Variants in RTL10 observed in about 807,000 individuals in gnomAD.
The protein encoded by RTL10 is protein Bop.
For synonymous variants in RTL10, 199 were observed against 188.4 expected (o/e 1.06, Z -0.46); for missense variants, 477 against 470.7 (o/e 1.01, Z -0.12).
At position 19,847,042 on chromosome 22, in the gene RTL10, T is replaced by G; in HGVS notation, c.*4125A>C. Reference sequence around the variant, plus strand: ...CTGAGCACCCCAGCCCATAGGATGATCAGCTGCTGCCGTCCTATGGAACTC... The same window carrying G: ...CTGAGCACCCCAGCCCATAGGATGAGCAGCTGCTGCCGTCCTATGGAACTC... On this transcript the variant is annotated 3_prime_UTR_variant, in exon 3 of 3. Coordinates refer to ENST00000328554, the MANE Select transcript of RTL10 (RefSeq NM_024627.6). The G allele has an allele frequency of 7.1e-6, 7 of 985,446 alleles. No homozygotes were observed. Among genetic ancestry groups the G allele is most frequent in the Non-Finnish European group, 8.4e-6 (7 of 829,934 alleles). The allele number at this position is 985,446 out of a possible 1,614,324, so 61.0% of individuals were successfully genotyped here. A position where few individuals can be genotyped will look rare whatever the true frequency, so the allele number is the denominator to read the frequency against.
At position 19,849,572 on chromosome 22, in the gene RTL10, G is replaced by C; in HGVS notation, c.*1595C>G. ...TAGGAGAGATGGATTTCTCCATGCT[G>C]GTCAGGCTGGTCTTGAACTCCTGAC... On this transcript the variant is annotated 3_prime_UTR_variant, in exon 3 of 3. Coordinates refer to ENST00000328554, the MANE Select transcript of RTL10 (RefSeq NM_024627.6). The C allele has an allele frequency of 2.2e-6, 1 of 464,520 alleles. No individual in the cohort carries two copies. The highest frequency in any genetic ancestry group is 2.8e-6 in the Non-Finnish European group (1 of 354,314). 28.8% of individuals were successfully genotyped at this position (464,520 alleles called of 1,614,324 possible).
chr22:19,851,336 G>A lies in RTL10; in HGVS notation c.926C>T (p.Pro309Leu), dbSNP rs776672508. The change falls in exon 3 of 3, where the codon CCT becomes CTT. Residue 309 changes from proline to leucine, a missense_variant. Transcript: ENST00000328554. ...PVPRLSESAN[P>L]PAQRPDPAHP... is the part of the protein sequence containing the mutation. ...AGCTGGGTCTGGTCTCTGGGCAGGA[G>A]GATTAGCTGACTCCGACAGTCTAGG... is the stretch of plus-strand genomic sequence containing the variant. 1 of 1,614,154 alleles carries A rather than the reference G, an allele frequency of 6.2e-7. No homozygotes were observed. Among genetic ancestry groups the A allele is most frequent in the South Asian group, 1.1e-5 (1 of 91,078 alleles).
chr22:19,849,437 C>T lies in RTL10; in HGVS notation c.*1730G>A, dbSNP rs537880895. On this transcript the variant is annotated 3_prime_UTR_variant, in exon 3 of 3. Transcript: ENST00000328554. The stretch of plus-strand genomic sequence containing the variant: ...AGGCTGGAGTGCAATGGCGTGATCT[C>T]GGCTCACCACACCCTCTGCCTCCTG... 1.9e-4 allele frequency: 73 copies of T among 379,762 alleles called. 1 individual carries two copies. In the South Asian group the frequency reaches 6.5e-3, roughly 34 times the overall value. 23.5% of individuals were successfully genotyped at this position (379,762 alleles called of 1,614,324 possible). A position where few individuals can be genotyped will look rare whatever the true frequency, so the allele number is the denominator to read the frequency against.
chr22:19,848,796 TC>T lies in RTL10; in HGVS notation c.*2370del, dbSNP rs1298229993. On this transcript the variant is annotated 3_prime_UTR_variant, in exon 3 of 3. Transcript: ENST00000328554. ...CCCCAAAGCCCCAATAGGACAGGGT[TC>T]AAAAGAGAAGGCAGCAATCCCAGGC... 2.0e-6 allele frequency: 2 copies of T among 985,250 alleles called. No individual in the cohort carries two copies. Among genetic ancestry groups the T allele is most frequent in the Admixed American group, 6.2e-5 (1 of 16,260 alleles). 61.0% of individuals were successfully genotyped at this position (985,250 alleles called of 1,614,324 possible).
Position 19,849,334 on chromosome 22 carries a change from A to T in RTL10, c.*1833T>A, listed in dbSNP as rs1199009954. 2.1e-6 allele frequency: 2 copies of T among 933,160 alleles called. No homozygotes were observed. The highest frequency in any genetic ancestry group is 2.5e-6 in the Non-Finnish European group (2 of 798,026). 57.8% of individuals were successfully genotyped at this position (933,160 alleles called of 1,614,324 possible). On this transcript the variant is annotated 3_prime_UTR_variant, in exon 3 of 3. Coordinates refer to ENST00000328554, the MANE Select transcript of RTL10 (RefSeq NM_024627.6). The stretch of plus-strand genomic sequence containing the variant: ...ATAGTTACCATAAAATAATCCCAAC[A>T]ATTTATATTTTTCTAAATAAGGTTT...
rs188182454 is a variant in RTL10 at position 19,849,412 on chromosome 22, A to G, written c.*1755T>C. On this transcript the variant is annotated 3_prime_UTR_variant, in exon 3 of 3. Transcript: ENST00000328554. ...GGATGGAGTTTCACTCTTGTTGTCC[A>G]GGCTGGAGTGCAATGGCGTGATCTC... 3.8e-3 allele frequency: 2,247 copies of G among 587,350 alleles called. 11 individuals are homozygous for G. Among genetic ancestry groups the G allele is most frequent in the Non-Finnish European group, 4.5e-3 (2,113 of 469,498 alleles). 36.4% of individuals were successfully genotyped at this position (587,350 alleles called of 1,614,324 possible). A position where few individuals can be genotyped will look rare whatever the true frequency, so the allele number is the denominator to read the frequency against.
Position 19,850,970 on chromosome 22 carries a change from G to A in RTL10, c.*197C>T, listed in dbSNP as rs899328680. The A allele has an allele frequency of 2.9e-5, 41 of 1,409,018 alleles. No homozygotes were observed. The highest frequency in any genetic ancestry group is 2.6e-4 in the Middle Eastern group (1 of 3,892). The allele number at this position is 1,409,018 out of a possible 1,614,324, so 87.3% of individuals were successfully genotyped here. On this transcript the variant is annotated 3_prime_UTR_variant, in exon 3 of 3. Transcript: ENST00000328554. ...AGCCAGCAGCAGGGAAAGGGCACAG[G>A]GCGGAGGTCAAGCTCTGCTGGAGTT...
rs750044402 is a variant in RTL10, at chr22:19,850,000, G to T, written c.*1167C>A. On this transcript the variant is annotated 3_prime_UTR_variant, in exon 3 of 3. Transcript: ENST00000328554. ...CTGGGCCTGGGGCCTCACAGCTCTG[G>T]ACTGCTGCCTGGTCCTCACTTCACC... 8 of 985,582 alleles carry T rather than the reference G, an allele frequency of 8.1e-6. No individual in the cohort carries two copies. The highest frequency in any genetic ancestry group is 9.6e-6 in the Non-Finnish European group (8 of 830,124). 61.1% of individuals were successfully genotyped at this position (985,582 alleles called of 1,614,324 possible).
rs1399963141 is a variant in RTL10, at chr22:19,846,531, G to C, written c.*4636C>G. The C allele has an allele frequency of 1.2e-5, 12 of 985,382 alleles. No individual in the cohort carries two copies. Among genetic ancestry groups the C allele is most frequent in the Non-Finnish European group, 1.4e-5 (12 of 829,978 alleles). The allele number at this position is 985,382 out of a possible 1,614,324, so 61.0% of individuals were successfully genotyped here. Reference sequence around the variant, plus strand: ...AGCCTGCCCAATATAGCGCTGCCAGGAACAGCAAAGACAAAACCAGAGAAG... The same window carrying C: ...AGCCTGCCCAATATAGCGCTGCCAGCAACAGCAAAGACAAAACCAGAGAAG... On this transcript the variant is annotated 3_prime_UTR_variant, in exon 3 of 3. Coordinates refer to ENST00000328554, the MANE Select transcript of RTL10 (RefSeq NM_024627.6).
Position 19,848,624 on chromosome 22 carries a change from G to A in RTL10, c.*2543C>T, listed in dbSNP as rs984017684. The A allele has an allele frequency of 1.4e-5, 14 of 985,450 alleles. No homozygotes were observed. The highest frequency in any genetic ancestry group is 4.7e-5 in the South Asian group (1 of 21,284). The allele number at this position is 985,450 out of a possible 1,614,324, so 61.0% of individuals were successfully genotyped here. A position where few individuals can be genotyped will look rare whatever the true frequency, so the allele number is the denominator to read the frequency against. On this transcript the variant is annotated 3_prime_UTR_variant, in exon 3 of 3. Transcript: ENST00000328554. Reference sequence around the variant, plus strand: ...AGAGCCCAACCACAATAAACAGGACGCGTTTTAATTAAAAACCAGGTCACC... The same window carrying A: ...AGAGCCCAACCACAATAAACAGGACACGTTTTAATTAAAAACCAGGTCACC...
chr22:19,848,162 T>C lies in RTL10; in HGVS notation c.*3005A>G. 1.0e-6 allele frequency: 1 copy of C among 985,294 alleles called. No homozygotes were observed. The highest frequency in any genetic ancestry group is 1.2e-6 in the Non-Finnish European group (1 of 829,822). The allele number at this position is 985,294 out of a possible 1,614,324, so 61.0% of individuals were successfully genotyped here. On this transcript the variant is annotated 3_prime_UTR_variant, in exon 3 of 3. Transcript: ENST00000328554. ...TTTTAAAGTTTTCCTTGCAGACAGGTACTTTAAATACCATCTCACAGCACC... is the reference window on the plus strand; with the variant it reads ...TTTTAAAGTTTTCCTTGCAGACAGGCACTTTAAATACCATCTCACAGCACC...
At position 19,851,471 on chromosome 22, in the gene RTL10, G is replaced by A. The variant is rs1339425708; in HGVS notation, c.791C>T (p.Thr264Ile). The A allele has an allele frequency of 6.2e-7, 1 of 1,614,114 alleles. No homozygotes were observed. Among genetic ancestry groups the A allele is most frequent in the Non-Finnish European group, 8.5e-7 (1 of 1,180,024 alleles). Residue 264 changes from threonine (T) to isoleucine (I), a missense_variant, in exon 3 of 3, where the codon ACC becomes ATC. Physicochemically the swap from Thr to Ile is moderately conservative, Grantham distance 89. Coordinates refer to ENST00000328554, the MANE Select transcript of RTL10 (RefSeq NM_024627.6). ...GACTGGGGGCTCCTTGGGCCCAGGGGTGCTCTCCTTGGTCAGCTGCTGCTC... is the reference window on the plus strand; with the variant it reads ...GACTGGGGGCTCCTTGGGCCCAGGGATGCTCTCCTTGGTCAGCTGCTGCTC... Reference protein sequence around the residue: ...LFEQQLTKESTPGPKEPPVLP... With the variant: ...LFEQQLTKESIPGPKEPPVLP...
At chr22:19,853,608 G>A (rs1216618541) in intron 2 of RTL10, among the ~76,000 whole-genome samples, 1 of 152,082 alleles carries the variant, frequency 6.6e-6, no homozygotes, top group African/African-American at 2.4e-5. Context: ...CTCAGGGTGA[G>A]TTCCTCCAGG....
rs1005030561 is a variant in RTL10 at position 19,850,762 on chromosome 22, G to C, written c.*405C>G. The C allele has an allele frequency of 5.6e-6, 7 of 1,249,510 alleles. No homozygotes were observed. Among genetic ancestry groups the C allele is most frequent in the Non-Finnish European group, 7.0e-6 (7 of 999,038 alleles). 77.4% of individuals were successfully genotyped at this position (1,249,510 alleles called of 1,614,324 possible). A position where few individuals can be genotyped will look rare whatever the true frequency, so the allele number is the denominator to read the frequency against. Reference sequence around the variant, plus strand: ...ACAGGAACGAGGTCCCAACAGGGCAGACGTGGCAGACCCAGTTCAGTCCCA... The same window carrying C: ...ACAGGAACGAGGTCCCAACAGGGCACACGTGGCAGACCCAGTTCAGTCCCA... On this transcript the variant is annotated 3_prime_UTR_variant, in exon 3 of 3. Coordinates refer to ENST00000328554, the MANE Select transcript of RTL10 (RefSeq NM_024627.6).
rs577464807 is a variant in RTL10 at position 19,848,538 on chromosome 22, A to C, written c.*2629T>G. On this transcript the variant is annotated 3_prime_UTR_variant, in exon 3 of 3. Coordinates refer to ENST00000328554, the MANE Select transcript of RTL10 (RefSeq NM_024627.6). ...CATGCCAGAGTCCATCGTTGCCTCC[A>C]CCCTACCTGTGCAGGAAACCTGGAC... 8.2e-5 allele frequency: 81 copies of C among 985,424 alleles called. No homozygotes were observed. The African/African-American group carries it at 1.2e-3, about 14-fold the overall frequency. 61.0% of individuals were successfully genotyped at this position (985,424 alleles called of 1,614,324 possible). A position where few individuals can be genotyped will look rare whatever the true frequency, so the allele number is the denominator to read the frequency against.
Position 19,851,554 on chromosome 22 carries a change from G to T in RTL10, c.708C>A (p.Ala236=), listed in dbSNP as rs543070038. 2 of 1,613,040 alleles carry T rather than the reference G, an allele frequency of 1.2e-6. No homozygotes were observed. The highest frequency in any genetic ancestry group is 1.1e-5 in the South Asian group (1 of 91,000). The part of the protein sequence containing the change: ...DMGTAPRSLP[A]AMATPAVSGS... The stretch of plus-strand genomic sequence containing the variant: ...CAGACACAGCAGGGGTGGCCATGGC[G>T]GCTGGTAAAGACCTGGGGGCAGTAC... The change falls in exon 3 of 3, where the codon GCC becomes GCA. Residue 236 remains alanine, a synonymous_variant. Coordinates refer to ENST00000328554, the MANE Select transcript of RTL10 (RefSeq NM_024627.6).
rs143002326 is a variant in RTL10, at chr22:19,851,496, C to T, written c.766G>A (p.Glu256Lys). 9.0e-4 allele frequency: 1,448 copies of T among 1,614,116 alleles called. 8 individuals carry two copies. In the African/African-American group the frequency reaches 0.016, roughly 18 times the overall value. Residue 256 changes from glutamate (E) to lysine (K), a missense_variant, in exon 3 of 3, where the codon GAG (glutamate) becomes AAG (lysine). Physicochemically the swap from Glu to Lys is moderately conservative, Grantham distance 56. Transcript: ENST00000328554. ...SNSVSRSALF[E>K]QQLTKESTPG... ...GTGCTCTCCTTGGTCAGCTGCTGCTCGAACAGAGCACTTCTAGATACAGAG... is the reference window on the plus strand; with the variant it reads ...GTGCTCTCCTTGGTCAGCTGCTGCTTGAACAGAGCACTTCTAGATACAGAG...
chr22:19,853,383 T>C (rs1204179503), intron 2 of RTL10, among the ~76,000 whole-genome samples: 3 of 151,944 alleles, frequency 2.0e-5, no homozygotes, highest in Non-Finnish European at 4.4e-5. Context: ...CAGTAGCCAG[T>C]TCTATTCCAG....
At position 19,847,542 on chromosome 22, in the gene RTL10, C is replaced by A; in HGVS notation, c.*3625G>T. 1 of 985,390 alleles carries A rather than the reference C, an allele frequency of 1.0e-6. No homozygotes were observed. Among genetic ancestry groups the A allele is most frequent in the Non-Finnish European group, 1.2e-6 (1 of 829,944 alleles). 61.0% of individuals were successfully genotyped at this position (985,390 alleles called of 1,614,324 possible). ...CAGCTCAAAAAGGTCAGGTAAGGAC[C>A]CTCAGCTCATGCGGGGAGGGGAGGA... On this transcript the variant is annotated 3_prime_UTR_variant, in exon 3 of 3. Coordinates refer to ENST00000328554, the MANE Select transcript of RTL10 (RefSeq NM_024627.6).
Sources: gnomAD v4.1 joint callset for allele counts (sites outside exome capture counted in the v4.1 genomes callset) on GRCh38, gnomAD v4.1.1 for gene constraint, MANE v1.5 for transcripts, NCBI Gene and HGNC (gene_info 2026-07-23, HGNC 2026-07-21) for gene names.